The following RAPGEF4 variants were observed in gnomAD, a reference collection of about 807,000 sequenced individuals.
The protein encoded by RAPGEF4 is RAP guanine-nucleotide-exchange factor (GEF) 4.
A neutral mutation model predicts 147.9 loss-of-function variants in RAPGEF4; 66 were observed. The ratio of observed to expected loss-of-function variants is 0.45; its 90% CI spans 0.37 to 0.55. RAPGEF4 has a LOEUF of 0.55. RAPGEF4 is among the 20% of genes least tolerant of loss of function. The probability of loss-of-function intolerance (pLI) is 0.00; values close to 1 mark genes in which losing one functional copy is unlikely to be tolerated. For synonymous variants in RAPGEF4, 419 were observed against 442.7 expected (o/e 0.95, Z 0.67); for missense variants, 1,071 against 1,257.3 (o/e 0.85, Z 2.24).
rs1466707544 is a variant in RAPGEF4 at position 173,026,656 on chromosome 2, A to C, written c.2338A>C (p.Met780Leu). The C allele has an allele frequency of 6.2e-7, 1 of 1,614,116 alleles. No homozygotes were observed. Among genetic ancestry groups the C allele is most frequent in the South Asian group, 1.1e-5 (1 of 91,068 alleles). ...GAGCTCCAAAGATTTAGCATACCAG[A>C]TGACAATTTATGATTGGGAACTCTT... ...LMSSKDLAYQ[M>L]TIYDWELFNC... The change falls in exon 24 of 31, where the codon ATG (methionine) becomes CTG (leucine). Residue 780 changes from methionine to leucine, a missense_variant. Coordinates refer to ENST00000397081, the MANE Select transcript of RAPGEF4 (RefSeq NM_007023.4).
chr2:173,038,938 T>C (rs1348397735), intron 29 of RAPGEF4, among the ~76,000 whole-genome samples: 1 of 152,152 alleles, frequency 6.6e-6, no homozygotes, highest in Admixed American at 6.5e-5. Flanking sequence ...ATTCAGTGGA[T>C]ACTAGGAGAG....
At chr2:173,025,934 A>C (rs1400501087) in intron 23 of RAPGEF4, among the ~76,000 whole-genome samples, 1 of 152,278 alleles carries the variant, frequency 6.6e-6, no homozygotes, top group Admixed American at 6.5e-5. Context: ...TCTTCCAGAA[A>C]GTAGCAGACG....
At chr2:172,740,351 C>T (rs993271265) in intron 1 of RAPGEF4, among the ~76,000 whole-genome samples, 1 of 152,122 alleles carries the variant, frequency 6.6e-6, no homozygotes, top group Admixed American at 6.5e-5. Flanking sequence ...GAACACTGGC[C>T]GTCACAGCCA....
At chr2:172,804,286 T>A (rs545461555) in intron 3 of RAPGEF4, among the ~76,000 whole-genome samples, 1 of 152,234 alleles carries the variant, frequency 6.6e-6, no homozygotes, top group Admixed American at 6.5e-5. Flanking sequence ...CATTCCCTTA[T>A]ATTTTTTACT....
Position 173,052,565 on chromosome 2 carries a change from C to T in RAPGEF4, c.*798C>T, listed in dbSNP as rs1355077149. 6.6e-6 allele frequency: 1 copy of T among 152,540 alleles called. No individual in the cohort carries two copies. The highest frequency in any genetic ancestry group is 1.5e-5 in the Non-Finnish European group (1 of 68,008). The allele number at this position is 152,540 out of a possible 1,614,324, so 9.4% of individuals were successfully genotyped here. ...TTTTCCTGGGCATTAAAAACCTTTA[C>T]TATTGGCTACAAATTTATTGTACCT... On this transcript the variant is annotated 3_prime_UTR_variant, in exon 31 of 31. Coordinates refer to ENST00000397081, the MANE Select transcript of RAPGEF4 (RefSeq NM_007023.4).
chr2:173,001,982 G>A (rs78183658), intron 17 of RAPGEF4, among the ~76,000 whole-genome samples: 29 of 56,296 alleles, frequency 5.2e-4, no homozygotes, highest in African/African-American at 1.4e-3. Context: ...ACCACAGGAA[G>A]GTGATGCTGG....
intron 4 of RAPGEF4, among the ~76,000 whole-genome samples, chr2:172,892,557 T>C (rs1698044138): frequency 6.6e-6 from 1 of 152,224 alleles, no homozygotes; most frequent in Non-Finnish European, 1.5e-5. Context: ...CAGAGGGAGT[T>C]AGTGCTTCTG....
intron 1 of RAPGEF4, among the ~76,000 whole-genome samples, chr2:172,792,718 G>GT (rs1234030486): frequency 6.6e-6 from 1 of 152,192 alleles, no homozygotes; most frequent in Non-Finnish European, 1.5e-5. Flanking sequence ...CTCTGAAAAT[G>GT]TTCATCTCTC....
chr2:172,819,019 C>G (rs906202128), intron 4 of RAPGEF4, among the ~76,000 whole-genome samples: 1 of 152,154 alleles, frequency 6.6e-6, no homozygotes, highest in South Asian at 2.1e-4. Context: ...CCTCAATAGT[C>G]TCTATAAATA....
At chr2:172,812,840 G>T (rs1288917640) in intron 3 of RAPGEF4, among the ~76,000 whole-genome samples, 1 of 152,194 alleles carries the variant, frequency 6.6e-6, no homozygotes, top group African/African-American at 2.4e-5. Context: ...TGCTATTCCA[G>T]AGAATTGTGA....
At chr2:172,918,485 C>G (rs762242514) in intron 5 of RAPGEF4, among the ~76,000 whole-genome samples, 2 of 150,868 alleles carry the variant, frequency 1.3e-5, no homozygotes, top group Non-Finnish European at 2.9e-5. Flanking sequence ...ATATGTATAT[C>G]AAAACAATGT....
rs975795783 is a variant in RAPGEF4 at position 172,823,521 on chromosome 2, G to T, written c.444+9096G>T. Among the ~76,000 whole-genome samples the T allele has an allele frequency of 2.6e-5, 4 of 152,200 alleles. No individual in the cohort carries two copies. In the East Asian group the frequency reaches 7.7e-4, roughly 29 times the overall value. The stretch of plus-strand genomic sequence containing the variant: ...TTGAGACTTTCAGAAGGAACTCGTG[G>T]TGAGGACTGGGGGATACTGTTAAGC... On this transcript the variant is annotated intron_variant, in intron 4 of 30. Coordinates refer to ENST00000397081, the MANE Select transcript of RAPGEF4 (RefSeq NM_007023.4).
chr2:172,967,938 G>A (rs79474589), intron 10 of RAPGEF4, among the ~76,000 whole-genome samples: 1 of 152,140 alleles, frequency 6.6e-6, no homozygotes, highest in Non-Finnish European at 1.5e-5. Flanking sequence ...CACCACAACT[G>A]CATTACCCCT....
chr2:172,736,741 C>G (rs992129327), intron 1 of RAPGEF4, among the ~76,000 whole-genome samples: 1 of 152,228 alleles, frequency 6.6e-6, no homozygotes, highest in Non-Finnish European at 1.5e-5. Flanking sequence ...GCAGTTGTTT[C>G]CAGGCTGTGA....
In RAPGEF4 at chr2:172,967,448, A is replaced by C. The variant is rs749266503; in HGVS notation, c.1004+4A>C. Reference sequence around the variant, plus strand: ...TGAGGATGATCCTTCGCAAACCGTGAGTGAGAGCTCGTGGCTCACCCCTCC... The same window carrying C: ...TGAGGATGATCCTTCGCAAACCGTGCGTGAGAGCTCGTGGCTCACCCCTCC... On this transcript the variant is annotated splice_donor_region_variant and intron_variant, in intron 10 of 30. Transcript: ENST00000397081. The C allele has an allele frequency of 6.2e-7, 1 of 1,609,248 alleles. No homozygotes were observed.
chr2:172,991,509 C>T (rs769840339), intron 15 of RAPGEF4, among the ~76,000 whole-genome samples: 4 of 152,110 alleles, frequency 2.6e-5, no homozygotes, highest in Non-Finnish European at 4.4e-5. Flanking sequence ...TTCAGCATAC[C>T]GATGTTCAGT....
intron 4 of RAPGEF4, chr2:172,821,664 C>G: frequency 9.7e-7 from 1 of 1,026,336 alleles, no homozygotes; most frequent in Non-Finnish European, 1.2e-6. Context: ...TGTCTTCAAG[C>G]TTTTCCATGG....
intron 28 of RAPGEF4, 123 bp from the exon 29 acceptor site, chr2:173,036,505 T>C (rs1435219047): frequency 2.6e-6 from 2 of 775,326 alleles, no homozygotes; most frequent in Non-Finnish European, 4.2e-6. Flanking sequence ...AAGGAACTAT[T>C]AACAGCTTTT....
intron 4 of RAPGEF4, among the ~76,000 whole-genome samples, chr2:172,904,891 C>G (rs1254285372): frequency 6.6e-6 from 1 of 151,986 alleles, no homozygotes; most frequent in Non-Finnish European, 1.5e-5. Context: ...CCCATCTGTT[C>G]TTGTCACCTC....
Sources: allele counts gnomAD v4.1 joint callset (sites outside exome capture counted in the v4.1 genomes callset), GRCh38; gene constraint gnomAD v4.1.1; transcripts MANE v1.5; gene names NCBI Gene and HGNC (gene_info 2026-07-23, HGNC 2026-07-21).